Variants in STMND1 observed in about 807,000 individuals in gnomAD.
STMND1 encodes the protein stathmin domain-containing protein 1.
STMND1 carries 17 observed loss-of-function variants against 23.0 expected under a neutral mutation model. That is an observed-to-expected ratio of 0.74 (90% CI 0.51 to 1.11). The LOEUF is 1.11. Ranked by LOEUF, STMND1 falls within the 50% of genes least tolerant of loss-of-function variation. STMND1 has a pLI of 0.00. For synonymous variants in STMND1, 114 were observed against 119.9 expected, an observed-to-expected ratio of 0.95 and a Z score of 0.32; for missense variants, 305 against 329.1, an observed-to-expected ratio of 0.93 and a Z score of 0.57.
At chr6:17,103,640 C>T (rs1310731645) in intron 1 of STMND1, among the ~76,000 whole-genome samples, 1 of 139,370 alleles carries the variant, frequency 7.2e-6, no homozygotes, top group Non-Finnish European at 1.5e-5. Context: ...GGCACGATCT[C>T]AGCTCACTGC....
chr6:17,125,396 T>G (rs1313863466), intron 3 of STMND1, among the ~76,000 whole-genome samples: 1 of 152,148 alleles, frequency 6.6e-6, no homozygotes, highest in Admixed American at 6.5e-5. Context: ...TATTATTGAG[T>G]TCGTCTTTTA....
In STMND1 at chr6:17,129,706, T is replaced by C. The variant is rs1050473310; in HGVS notation, c.543+463T>C. Among the ~76,000 whole-genome samples, 26 of 151,956 alleles carry C rather than the reference T, an allele frequency of 1.7e-4. No homozygotes were observed. The East Asian group carries it at 3.3e-3, about 19-fold the overall frequency. On this transcript the variant is annotated intron_variant, in intron 4 of 4. Coordinates refer to ENST00000536551, the MANE Select transcript of STMND1 (RefSeq NM_001190766.2). Reference sequence around the variant, plus strand: ...AAAAATACAAAAAATTAGCCGGGCGTGGTGGCGGGCGCCTGTAGTCCCAGC... The same window carrying C: ...AAAAATACAAAAAATTAGCCGGGCGCGGTGGCGGGCGCCTGTAGTCCCAGC...
intron 3 of STMND1, among the ~76,000 whole-genome samples, chr6:17,123,858 C>G (rs1761262212): frequency 6.6e-6 from 1 of 152,024 alleles, no homozygotes; most frequent in Non-Finnish European, 1.5e-5. Flanking sequence ...TCTTTCAATT[C>G]AGAGGTAGCT....
chr6:17,124,905 T>C (rs1453072781), intron 3 of STMND1, among the ~76,000 whole-genome samples: 2 of 151,220 alleles, frequency 1.3e-5, no homozygotes, highest in East Asian at 3.9e-4. Flanking sequence ...AGGCTGAGGT[T>C]GGAGGATCAC....
intron 1 of STMND1, among the ~76,000 whole-genome samples, chr6:17,114,132 A>G (rs1052332096): frequency 2.4e-4 from 36 of 152,302 alleles, no homozygotes; most frequent in African/African-American, 4.8e-5. Context: ...TTACATTGTA[A>G]TATATAATGA....
chr6:17,115,182 A>G, intron 2 of STMND1, 43 bp downstream of exon 2: 1 of 1,492,848 alleles, frequency 6.7e-7, no homozygotes, highest in Middle Eastern at 1.7e-4. Context: ...TTCACAAAAT[A>G]CTGTTTCTCT....
Position 17,115,119 on chromosome 6 carries a change from G to A in STMND1, c.239G>A (p.Arg80Lys), listed in dbSNP as rs751437630. Residue 80 changes from arginine to lysine, a missense_variant, in exon 2 of 5, where the codon AGA (arginine) becomes AAA (lysine). By Grantham distance (26) the Arg-to-Lys change is conservative (BLOSUM62 2). Transcript: ENST00000536551. The stretch of plus-strand genomic sequence containing the variant: ...GAAAATTCTCCATCTCCTAGTGAAA[G>A]AAACAGACGAGTAAATTCAGGTAAC... ...ISENSPSPSE[R>K]NRRVNSDLVT... 9 of 1,534,934 alleles carry A rather than the reference G, an allele frequency of 5.9e-6. No homozygotes were observed. The highest frequency in any genetic ancestry group is 7.0e-6 in the Non-Finnish European group (8 of 1,146,556).
chr6:17,105,989 C>A (rs1378998610), intron 1 of STMND1, among the ~76,000 whole-genome samples: 1 of 151,348 alleles, frequency 6.6e-6, no homozygotes, highest in Non-Finnish European at 1.5e-5. Flanking sequence ...CATCCTGGAG[C>A]TGACCTCTGC....
chr6:17,110,227 G>C (rs995648946), intron 1 of STMND1, among the ~76,000 whole-genome samples: 1 of 152,170 alleles, frequency 6.6e-6, no homozygotes, highest in African/African-American at 2.4e-5. Flanking sequence ...CTTTGCTGCA[G>C]AGAGTGGGAG....
intron 2 of STMND1, among the ~76,000 whole-genome samples, chr6:17,118,088 A>G (rs1018265688): frequency 2.0e-4 from 31 of 152,036 alleles, no homozygotes; most frequent in South Asian, 6.2e-4. Flanking sequence ...TGCTATGCAA[A>G]AGTTTATTTT....
chr6:17,120,556 A>T (rs767097624), intron 2 of STMND1, 51 bp from the exon 3 acceptor site: 4 of 1,406,656 alleles, frequency 2.8e-6, no homozygotes, highest in Non-Finnish European at 3.7e-6. Flanking sequence ...GATTGAAAAA[A>T]TCTTCATTCT....
In STMND1 at chr6:17,120,591, T is replaced by C. The variant is rs1294354327; in HGVS notation, c.260-16T>C. On this transcript the variant is annotated splice_polypyrimidine_tract_variant and intron_variant, in intron 2 of 4. Coordinates refer to ENST00000536551, the MANE Select transcript of STMND1 (RefSeq NM_001190766.2). ...TTAAATTTTGCTTTCTTTTTTCTTT[T>C]CTTCTTTTTTGGAAGACCTAGTGAC... 7 of 1,461,508 alleles carry C rather than the reference T, an allele frequency of 4.8e-6. No homozygotes were observed. The East Asian group carries it at 1.2e-4, about 26-fold the overall frequency. The allele number at this position is 1,461,508 out of a possible 1,614,324, so 90.5% of individuals were successfully genotyped here.
chr6:17,103,881 C>T (rs1760979980), intron 1 of STMND1, among the ~76,000 whole-genome samples: 1 of 152,068 alleles, frequency 6.6e-6, no homozygotes, highest in African/African-American at 2.4e-5. Flanking sequence ...GGACCCATTA[C>T]CTTTTATGGG....
chr6:17,117,831 C>T (rs1370369470), intron 2 of STMND1, among the ~76,000 whole-genome samples: 1 of 151,302 alleles, frequency 6.6e-6, no homozygotes, highest in Non-Finnish European at 1.5e-5. Context: ...CAGGTGCCTG[C>T]CACCACACTT....
intron 1 of STMND1, among the ~76,000 whole-genome samples, chr6:17,109,747 T>A (rs1761073774): frequency 6.6e-6 from 1 of 152,200 alleles, no homozygotes; most frequent in Non-Finnish European, 1.5e-5. Context: ...TCTTTGCTCA[T>A]GTTTAATCAC....
intron 1 of STMND1, among the ~76,000 whole-genome samples, chr6:17,108,459 C>T (rs1056415257): frequency 1.8e-4 from 27 of 152,072 alleles, no homozygotes; most frequent in African/African-American, 2.2e-4. Context: ...TGTTAAATGA[C>T]GAAACTGGAC....
intron 3 of STMND1, among the ~76,000 whole-genome samples, chr6:17,125,443 TG>T (rs1761283436): frequency 6.6e-6 from 1 of 152,220 alleles, no homozygotes; most frequent in Non-Finnish European, 1.5e-5. Flanking sequence ...TAGCACATCC[TG>T]GGTCTCCCTA....
In STMND1 at chr6:17,130,918, C is replaced by T. The variant is rs1403825447; in HGVS notation, c.*37C>T. ...TGAATTTCATAAGAAAGCATTCATT[C>T]TCCCCATTTGTGACATTTGTAGTAT... On this transcript the variant is annotated 3_prime_UTR_variant, in exon 5 of 5. Transcript: ENST00000536551. The T allele has an allele frequency of 3.4e-6, 5 of 1,469,494 alleles. No individual in the cohort carries two copies. In the Admixed American group the frequency reaches 1.1e-4, roughly 33 times the overall value. 91.0% of individuals were successfully genotyped at this position (1,469,494 alleles called of 1,614,324 possible).
In STMND1 at chr6:17,115,014, C is replaced by T; in HGVS notation, c.134C>T (p.Ala45Val). The change falls in exon 2 of 5, where the codon GCT becomes GTT. Residue 45 changes from alanine (A) to valine (V), a missense_variant. By Grantham distance (64) the Ala-to-Val change is moderately conservative (BLOSUM62 0). Transcript: ENST00000536551. ...TGENCSPRME[A>V]ALTKNTVDIA... ...GAAAATTGCAGCCCCCGGATGGAAGCTGCTCTGACCAAGAATACTGTGGAC... is the reference window on the plus strand; with the variant it reads ...GAAAATTGCAGCCCCCGGATGGAAGTTGCTCTGACCAAGAATACTGTGGAC... The T allele has an allele frequency of 6.5e-7, 1 of 1,534,942 alleles. No individual in the cohort carries two copies. The highest frequency in any genetic ancestry group is 8.7e-7 in the Non-Finnish European group (1 of 1,146,378).
Sources: gnomAD v4.1 joint callset for allele counts (sites outside exome capture counted in the v4.1 genomes callset) on GRCh38, gnomAD v4.1.1 for gene constraint, MANE v1.5 for transcripts, NCBI Gene and HGNC (gene_info 2026-07-23, HGNC 2026-07-21) for gene names.